Variants in CTNNA2 observed in about 807,000 individuals in gnomAD.
CTNNA2 encodes the protein catenin alpha-2.
CTNNA2 carries 42 observed loss-of-function variants against 101.0 expected under a neutral mutation model. The ratio of observed to expected loss-of-function variants is 0.42; its 90% CI spans 0.32 to 0.54. The LOEUF is 0.54. Among genes scored for constraint, CTNNA2 ranks in the 20% least tolerant of loss-of-function variants. The probability of loss-of-function intolerance (pLI) is 0.14; values close to 1 mark genes in which losing one functional copy is unlikely to be tolerated. For missense variants in CTNNA2, 871 were observed against 1,223.1 expected (o/e 0.71, Z 4.29); for synonymous variants, 450 against 456.4 (o/e 0.99, Z 0.18).
chr2:80,141,130 TCCATAGGCAGGAG>T (rs1702981043), intron 7 of CTNNA2, among the ~76,000 whole-genome samples: 1 of 152,000 alleles, frequency 6.6e-6, no homozygotes, highest in Admixed American at 6.6e-5. Context: ...TTAGGACCGC[TCCATAGGCAGGAG>T]CCTGCCTCAG....
chr2:80,168,984 C>A (rs957136456), intron 7 of CTNNA2, among the ~76,000 whole-genome samples: 10 of 152,268 alleles, frequency 6.6e-5, no homozygotes, highest in Non-Finnish European at 2.9e-5. Flanking sequence ...ATTTAGAGGC[C>A]CCCACTTTGG....
intron 3 of CTNNA2, among the ~76,000 whole-genome samples, chr2:79,746,600 A>G (rs1054123742): frequency 2.6e-5 from 4 of 152,188 alleles, no homozygotes; most frequent in African/African-American, 9.7e-5. Context: ...AGTCTATTGT[A>G]AAGTTTCCTA....
intron 9 of CTNNA2, among the ~76,000 whole-genome samples, chr2:80,440,307 T>A (rs1682447251): frequency 6.6e-6 from 1 of 152,170 alleles, no homozygotes; most frequent in Non-Finnish European, 1.5e-5. Context: ...GACATTGGCC[T>A]GGACTTCTAA....
intron 2 of CTNNA2, among the ~76,000 whole-genome samples, chr2:79,221,795 T>C (rs12713982): frequency 0.49 from 74,991 of 151,886 alleles, 20,923 homozygotes; most frequent in Non-Finnish European, 0.62. Context: ...TCTTCTCTAG[T>C]GAGAAAAGGT....
chr2:80,157,460 A>G (rs1007484843), intron 7 of CTNNA2, among the ~76,000 whole-genome samples: 3 of 152,106 alleles, frequency 2.0e-5, no homozygotes, highest in Non-Finnish European at 4.4e-5. Flanking sequence ...ACAACTGGAA[A>G]CATCCCAGTT....
At chr2:80,526,692 G>A (rs1293356894) in intron 9 of CTNNA2, among the ~76,000 whole-genome samples, 3 of 152,144 alleles carry the variant, frequency 2.0e-5, no homozygotes, top group Non-Finnish European at 2.9e-5. Flanking sequence ...TACCTTCTTC[G>A]TGTGGTGTTC....
rs554902897 is a variant in CTNNA2, at chr2:80,301,245, T to C, written c.1057-91966T>C. Among the ~76,000 whole-genome samples the C allele has an allele frequency of 2.0e-5, 3 of 152,326 alleles. No homozygotes were observed. In the East Asian group the frequency reaches 5.8e-4, roughly 29 times the overall value. ...TGGGAGCCTAAGCTTGCTGCAGTCT[T>C]AGCAATGTGCTCCAGAAGCACAGCT... On this transcript the variant is annotated intron_variant, in intron 7 of 18. Coordinates refer to ENST00000402739, the MANE Select transcript of CTNNA2 (RefSeq NM_001282597.3).
At chr2:79,517,097 A>G (rs1487145190) in intron 1 of CTNNA2, among the ~76,000 whole-genome samples, 7 of 152,204 alleles carry the variant, frequency 4.6e-5, no homozygotes, top group Non-Finnish European at 1.0e-4. Context: ...AGGAATTTGC[A>G]TGGAGCAGGT....
At chr2:79,616,563 T>G (rs1678633811) in intron 1 of CTNNA2, among the ~76,000 whole-genome samples, 1 of 152,184 alleles carries the variant, frequency 6.6e-6, no homozygotes, top group South Asian at 2.1e-4. Context: ...AACTTACCAT[T>G]GTAAAAACCA....
intron 10 of CTNNA2, 38 bp from the exon 11 acceptor site, chr2:80,545,869 T>A (rs1692016675): frequency 6.2e-7 from 1 of 1,603,768 alleles, no homozygotes; most frequent in Admixed American, 1.7e-5. Flanking sequence ...TTTTGAAGTG[T>A]GTGGTCATCA....
intron 8 of CTNNA2, among the ~76,000 whole-genome samples, chr2:80,416,443 T>G (rs1427106758): frequency 6.6e-6 from 1 of 152,142 alleles, no homozygotes; most frequent in Non-Finnish European, 1.5e-5. Flanking sequence ...AGAATTTTTC[T>G]TTAACTGCTT....
chr2:79,277,380 A>G (rs768413152), intron 2 of CTNNA2, among the ~76,000 whole-genome samples: 1 of 152,072 alleles, frequency 6.6e-6, no homozygotes, highest in Non-Finnish European at 1.5e-5. Context: ...CTGAATTCCA[A>G]TATCAGCCAT....
chr2:79,775,750 G>GT (rs760524582), intron 3 of CTNNA2, among the ~76,000 whole-genome samples: 4 of 152,116 alleles, frequency 2.6e-5, no homozygotes, highest in African/African-American at 4.8e-5. Flanking sequence ...TTATTCTTGA[G>GT]TTTTTTGGTA....
chr2:79,553,047 T>A, intron 1 of CTNNA2, among the ~76,000 whole-genome samples: 1 of 152,198 alleles, frequency 6.6e-6, no homozygotes, highest in East Asian at 1.9e-4. Context: ...ATGGCCAGGT[T>A]GCAAATTTTC....
intron 9 of CTNNA2, among the ~76,000 whole-genome samples, chr2:80,453,790 C>G (rs75435216): frequency 7.9e-5 from 12 of 152,060 alleles, no homozygotes; most frequent in Non-Finnish European, 1.6e-4. Context: ...GACTGTAAAT[C>G]AAAAGATACG....
intron 7 of CTNNA2, among the ~76,000 whole-genome samples, chr2:80,183,002 A>G (rs947668252): frequency 1.3e-5 from 2 of 152,192 alleles, no homozygotes; most frequent in Non-Finnish European, 2.9e-5. Flanking sequence ...TTCGGTTAGG[A>G]CAGTTTGCTG....
intron 4 of CTNNA2, among the ~76,000 whole-genome samples, chr2:79,415,492 A>G (rs1022269437): frequency 6.6e-6 from 1 of 152,136 alleles, no homozygotes; most frequent in Non-Finnish European, 1.5e-5. Context: ...TGAAACACCT[A>G]TTTTATTAAG....
At position 80,392,852 on chromosome 2, in the gene CTNNA2, G is replaced by T. The variant is rs1034335183; in HGVS notation, c.1057-359G>T. ...TCTCAGTTATCTTCTATTCAGAAAT[G>T]TGCCTACACAATATAGACACACAAA... On this transcript the variant is annotated intron_variant, in intron 7 of 18. Coordinates refer to ENST00000402739, the MANE Select transcript of CTNNA2 (RefSeq NM_001282597.3). Among the ~76,000 whole-genome samples the T allele has an allele frequency of 5.9e-5, 9 of 152,134 alleles. No homozygotes were observed. In the South Asian group the frequency reaches 1.7e-3, roughly 28 times the overall value.
At chr2:79,398,914 GTCCAAATTTTATC>G (rs1330199103) in intron 4 of CTNNA2, among the ~76,000 whole-genome samples, 2 of 151,734 alleles carry the variant, frequency 1.3e-5, no homozygotes, top group Non-Finnish European at 2.9e-5. Flanking sequence ...GGTTTAGTAT[GTCCAAATTTTATC>G]TCCCTTTCCA....
Sources: allele counts gnomAD v4.1 joint callset (sites outside exome capture counted in the v4.1 genomes callset), GRCh38; gene constraint gnomAD v4.1.1; transcripts MANE v1.5; gene names NCBI Gene and HGNC (gene_info 2026-07-23, HGNC 2026-07-21).